Variants in CDH13 observed in about 807,000 individuals in gnomAD.
The protein encoded by CDH13 is cadherin 13.
A neutral mutation model predicts 63.8 loss-of-function variants in CDH13; 24 were observed. The ratio of observed to expected loss-of-function variants is 0.38; its 90% confidence interval spans 0.27 to 0.53. CDH13 has a LOEUF of 0.53. Ranked by LOEUF, CDH13 falls within the 20% of genes least tolerant of loss-of-function variation. The probability of loss-of-function intolerance (pLI) is 0.85; values close to 1 mark genes in which losing one functional copy is unlikely to be tolerated. For missense variants in CDH13, 1,049 were observed against 903.1 expected (o/e 1.16, Z -2.07); for synonymous variants, 503 against 355.3 (o/e 1.42, Z -4.67).
At chr16:83,132,304 C>T (rs558967005) in intron 4 of CDH13, among the ~76,000 whole-genome samples, 29 of 152,140 alleles carry the variant, frequency 1.9e-4, no homozygotes, top group African/African-American at 6.5e-4. Flanking sequence ...ACTGGGTTGT[C>T]TAGGGTAACC....
At chr16:83,388,488 A>G (rs992830105) in intron 6 of CDH13, among the ~76,000 whole-genome samples, 6 of 151,896 alleles carry the variant, frequency 4.0e-5, no homozygotes, top group African/African-American at 1.5e-4. Flanking sequence ...GATCAACGAG[A>G]TTTGATGATA....
At chr16:83,298,204 C>T (rs1390932888) in intron 5 of CDH13, among the ~76,000 whole-genome samples, 2 of 151,978 alleles carry the variant, frequency 1.3e-5, no homozygotes. Context: ...GATCGCCCCA[C>T]TGCACTCCAG....
rs187511470 is a variant in CDH13, at chr16:83,712,025, C to T, written c.1538+33564C>T. Among the ~76,000 whole-genome samples, 582 of 152,336 alleles carry T rather than the reference C, an allele frequency of 3.8e-3. 2 individuals carry two copies. The highest frequency in any genetic ancestry group is 0.01 in the Admixed American group (153 of 15,298). On this transcript the variant is annotated intron_variant, in intron 10 of 13. Coordinates refer to ENST00000567109, the MANE Select transcript of CDH13 (RefSeq NM_001257.5). The stretch of plus-strand genomic sequence containing the variant: ...TAGATGGCTGTCTTCTCCCTGTGTC[C>T]TCACAGAGTCTTCCCTCTCTGTCTG...
chr16:83,450,873 G>A (rs543805191), intron 6 of CDH13, among the ~76,000 whole-genome samples: 92 of 151,796 alleles, frequency 6.1e-4, no homozygotes, highest in African/African-American at 2.2e-3. Flanking sequence ...CTGTCTCACA[G>A]AGAAAAAAAA....
chr16:83,629,000 GA>G (rs1173711942), intron 8 of CDH13, among the ~76,000 whole-genome samples: 1 of 152,162 alleles, frequency 6.6e-6, no homozygotes, highest in African/African-American at 2.4e-5. Flanking sequence ...GCCCTTTGTT[GA>G]ATACGTAAAT....
At chr16:83,399,802 C>G (rs912932652) in intron 6 of CDH13, among the ~76,000 whole-genome samples, 1 of 151,912 alleles carries the variant, frequency 6.6e-6, no homozygotes, top group East Asian at 1.9e-4. Flanking sequence ...CACCATTTTA[C>G]CCCCCGCCGC....
At chr16:83,086,480 G>A (rs183993390) in intron 3 of CDH13, among the ~76,000 whole-genome samples, 1 of 152,240 alleles carries the variant, frequency 6.6e-6, no homozygotes, top group African/African-American at 2.4e-5. Flanking sequence ...CAGTGGAGCT[G>A]TTTCTGTCCC....
At chr16:83,123,125 A>G (rs1214943572) in intron 3 of CDH13, among the ~76,000 whole-genome samples, 1 of 151,896 alleles carries the variant, frequency 6.6e-6, no homozygotes, top group Admixed American at 6.6e-5. Context: ...AGGCTTGAGT[A>G]GTATTTTATG....
At chr16:82,839,002 CA>C (rs2038891567) in intron 1 of CDH13, among the ~76,000 whole-genome samples, 1 of 152,232 alleles carries the variant, frequency 6.6e-6, no homozygotes, top group Non-Finnish European at 1.5e-5. Flanking sequence ...AGCATGAAAG[CA>C]GACATACACA....
At position 83,485,776 on chromosome 16, in the gene CDH13, C is replaced by A. The variant is rs199813173; in HGVS notation, c.782-701C>A. On this transcript the variant is annotated intron_variant, in intron 6 of 13. Coordinates refer to ENST00000567109, the MANE Select transcript of CDH13 (RefSeq NM_001257.5). ...ACTGATTTCTGAGCTCCTGCACACC[C>A]AGGAGCATGCCTCTTTGTACTCCTG... Among the ~76,000 whole-genome samples the A allele has an allele frequency of 5.9e-5, 9 of 152,248 alleles. No homozygotes were observed. The East Asian group carries it at 1.7e-3, about 29-fold the overall frequency.
intron 2 of CDH13, among the ~76,000 whole-genome samples, chr16:82,965,065 A>G (rs1907612359): frequency 6.6e-6 from 1 of 152,202 alleles, no homozygotes; most frequent in Non-Finnish European, 1.5e-5. Flanking sequence ...AAGTAAATAA[A>G]AAGTAGCTCC....
intron 2 of CDH13, among the ~76,000 whole-genome samples, chr16:82,995,746 T>C (rs1912137546): frequency 6.6e-6 from 1 of 152,174 alleles, no homozygotes; most frequent in Non-Finnish European, 1.5e-5. Context: ...AGCCACTGCA[T>C]TCCCCCACCC....
intron 2 of CDH13, chr16:82,926,157 C>T (rs918500997): frequency 6.6e-6 from 1 of 152,118 alleles, no homozygotes; most frequent in Non-Finnish European, 1.5e-5. Flanking sequence ...AGGTAGTAAA[C>T]ATTTTAGACT....
chr16:82,914,878 C>T (rs1023401130), intron 2 of CDH13, among the ~76,000 whole-genome samples: 3 of 152,206 alleles, frequency 2.0e-5, no homozygotes, highest in Non-Finnish European at 4.4e-5. Flanking sequence ...GCATTAAATC[C>T]AGTGACACCA....
intron 7 of CDH13, among the ~76,000 whole-genome samples, chr16:83,591,270 A>T (rs1327204152): frequency 6.6e-6 from 1 of 152,210 alleles, no homozygotes; most frequent in African/African-American, 2.4e-5. Flanking sequence ...GCTATGTACC[A>T]GGCATAATGT....
intron 8 of CDH13, among the ~76,000 whole-genome samples, chr16:83,607,020 C>T (rs1908404272): frequency 6.6e-6 from 1 of 151,918 alleles, no homozygotes; most frequent in Non-Finnish European, 1.5e-5. Flanking sequence ...GTAAGGGAGG[C>T]TGAGAAATAA....
At chr16:82,710,571 A>G (rs1486016115) in intron 1 of CDH13, among the ~76,000 whole-genome samples, 1 of 124,376 alleles carries the variant, frequency 8.0e-6, no homozygotes, top group Non-Finnish European at 1.8e-5. Context: ...ATATATATAT[A>G]TATATAAATA....
In CDH13 at chr16:83,015,677, GTATATATATATATATATA is replaced by G. The variant is rs71148803; in HGVS notation, c.158-16304_158-16287del. Among the ~76,000 whole-genome samples the G allele has an allele frequency of 1.9e-3, 71 of 37,564 alleles. 3 individuals carry two copies. Among genetic ancestry groups the G allele is most frequent in the South Asian group, 3.0e-3 (2 of 658 alleles). The allele number at this position is 37,564 out of a possible 152,430, so 24.6% of individuals were successfully genotyped here. A position where few individuals can be genotyped will look rare whatever the true frequency, so the allele number is the denominator to read the frequency against. Reference sequence around the variant, plus strand: ...CATATATGTGTGTGTGTGTGTGTATGTATATATATATATATATATATATATATATATATATATATATAT... The same window carrying G: ...CATATATGTGTGTGTGTGTGTGTATGTATATATATATATATATATATATAT... On this transcript the variant is annotated intron_variant, in intron 2 of 13. Coordinates refer to ENST00000567109, the MANE Select transcript of CDH13 (RefSeq NM_001257.5).
At chr16:83,219,580 C>T (rs1486009397) in intron 5 of CDH13, among the ~76,000 whole-genome samples, 2 of 152,120 alleles carry the variant, frequency 1.3e-5, no homozygotes, top group Non-Finnish European at 2.9e-5. Context: ...ACATGGGTGA[C>T]AATAATCAAT....
Sources: allele counts gnomAD v4.1 joint callset (sites outside exome capture counted in the v4.1 genomes callset), GRCh38; gene constraint gnomAD v4.1.1; transcripts MANE v1.5; gene names NCBI Gene and HGNC (gene_info 2026-07-23, HGNC 2026-07-21).